The following GDAP1 variants were observed in gnomAD, a reference collection of about 807,000 sequenced individuals.
GDAP1 encodes ganglioside induced differentiation associated protein 1, also known as ganglioside-induced differentiation-associated protein 1.
A neutral mutation model predicts 40.1 loss-of-function variants in GDAP1; 34 were observed. That is an observed-to-expected ratio of 0.85 (90% CI 0.64 to 1.13). The LOEUF is 1.13. Ranked by LOEUF, GDAP1 falls within the 50% of genes most tolerant of loss-of-function variation. GDAP1 has a pLI of 0.00. For missense variants in GDAP1, 374 were observed against 433.7 expected, an observed-to-expected ratio of 0.86 and a Z score of 1.22; for synonymous variants, 170 against 157.4, an observed-to-expected ratio of 1.08 and a Z score of -0.60.
chr8:74,477,011 G>T lies in GDAP1; in HGVS notation c.166-11667G>T, dbSNP rs79659546. 2.8e-3 allele frequency among the ~76,000 whole-genome samples: 431 copies of T among 152,144 alleles called. 3 individuals carry two copies. Among genetic ancestry groups the T allele is most frequent in the Non-Finnish European group, 4.8e-3 (329 of 67,988 alleles). ...CATTCTGTTCTCTTTATTTTTGTCTGACTGCCTTATTTCAGAAAGCCGGTG... is the reference window on the plus strand; with the variant it reads ...CATTCTGTTCTCTTTATTTTTGTCTTACTGCCTTATTTCAGAAAGCCGGTG... On this transcript the variant is annotated intron_variant, in intron 2 of 2. Transcript: ENST00000523640.
At chr8:74,467,392 G>A (rs1586843795) in intron 2 of GDAP1, among the ~76,000 whole-genome samples, 3 of 152,288 alleles carry the variant, frequency 2.0e-5, no homozygotes, top group Admixed American at 2.0e-4. Flanking sequence ...CAGATAAGCA[G>A]CTAGATTTAA....
chr8:74,388,340 A>G (rs1292059594), intron 2 of GDAP1, among the ~76,000 whole-genome samples: 4 of 151,674 alleles, frequency 2.6e-5, no homozygotes, highest in Non-Finnish European at 4.4e-5. Flanking sequence ...CCTTCTAAAC[A>G]CTGCTTTAGC....
intron 2 of GDAP1, among the ~76,000 whole-genome samples, chr8:74,419,286 C>CA (rs1805826125): frequency 2.6e-5 from 4 of 152,236 alleles, no homozygotes; most frequent in Admixed American, 2.6e-4. Flanking sequence ...AAATGTCTTC[C>CA]AACAAGTGAA....
At chr8:74,385,961 T>C (rs758243992) in intron 2 of GDAP1, among the ~76,000 whole-genome samples, 4 of 152,216 alleles carry the variant, frequency 2.6e-5, no homozygotes, top group Non-Finnish European at 5.9e-5. Context: ...TTTTTTCATA[T>C]GTTTATTGGC....
rs1455556067 is a variant in GDAP1 at position 74,409,256 on chromosome 8, C to T, written c.165+57935C>T. Among the ~76,000 whole-genome samples the T allele has an allele frequency of 1.3e-5, 2 of 149,886 alleles. 1 individual carries two copies. Among genetic ancestry groups the T allele is most frequent in the African/African-American group, 5.1e-5 (2 of 39,268 alleles). On this transcript the variant is annotated intron_variant, in intron 2 of 2. Transcript: ENST00000523640. ...ACAGTATTGAAACTGACCCAATTGT[C>T]CCATAAAGCTGATGTTTATGGTTTC...
intron 2 of GDAP1, among the ~76,000 whole-genome samples, chr8:74,458,208 G>A (rs2131578868): frequency 1.3e-5 from 2 of 151,942 alleles, no homozygotes; most frequent in Admixed American, 6.5e-5. Context: ...CTATACTTTA[G>A]CAGTTTAATC....
intron 2 of GDAP1, among the ~76,000 whole-genome samples, chr8:74,377,623 A>G (rs939016618): frequency 7.2e-5 from 11 of 152,228 alleles, no homozygotes; most frequent in Admixed American, 7.2e-4. Context: ...GGCTGACAAT[A>G]CTATTTGTTG....
At chr8:74,362,868 G>T in intron 4 of GDAP1, 71 bp from the exon 5 acceptor site, 2 of 589,950 alleles carry the variant, frequency 3.4e-6, no homozygotes, top group East Asian at 4.3e-5. Context: ...GTTTGTATCT[G>T]CTTTACCTAG....
Position 74,475,535 on chromosome 8 carries a change from T to C in GDAP1, c.166-13143T>C, listed in dbSNP as rs954639718. On this transcript the variant is annotated intron_variant, in intron 2 of 2. Coordinates refer to the GDAP1 transcript ENST00000523640. ...TTCTTGATTCCTGCCTTAATCTCAT[T>C]ATTTATCTAAAAGTCTTTTAGGAAC... Among the ~76,000 whole-genome samples the C allele has an allele frequency of 1.8e-4, 28 of 152,218 alleles. 1 individual carries two copies. Among genetic ancestry groups the C allele is most frequent in the Admixed American group, 1.6e-3 (24 of 15,278 alleles).
Position 74,446,777 on chromosome 8 carries a change from G to A in GDAP1, c.166-41901G>A, listed in dbSNP as rs79498165. ...TGTTACAACAAGATGAAATTTGAGG[G>A]CATTATGCTAAGTGAAAGAAGTCAG... On this transcript the variant is annotated intron_variant, in intron 2 of 2. Coordinates refer to the GDAP1 transcript ENST00000523640. 9.1e-4 allele frequency among the ~76,000 whole-genome samples: 138 copies of A among 152,214 alleles called. 2 individuals are homozygous for A. The highest frequency in any genetic ancestry group is 3.1e-3 in the African/African-American group (129 of 41,530).
At chr8:74,418,828 G>A (rs2131557766) in intron 2 of GDAP1, among the ~76,000 whole-genome samples, 1 of 150,276 alleles carries the variant, frequency 6.7e-6, no homozygotes, top group East Asian at 2.0e-4. Flanking sequence ...ACTATCAAAT[G>A]CAACAATTAT....
chr8:74,479,636 G>A (rs1460297381), intron 2 of GDAP1, among the ~76,000 whole-genome samples: 1 of 152,160 alleles, frequency 6.6e-6, no homozygotes, highest in Admixed American at 6.5e-5. Flanking sequence ...GGGTCAGTTG[G>A]CCAATTCTTT....
intron 2 of GDAP1, among the ~76,000 whole-genome samples, chr8:74,377,217 C>G (rs1809870635): frequency 1.4e-5 from 1 of 71,728 alleles, no homozygotes; most frequent in African/African-American, 5.7e-5. Context: ...AAAGTTATAA[C>G]TGCCTGTTTT....
At chr8:74,430,945 C>T (rs899838686) in intron 2 of GDAP1, among the ~76,000 whole-genome samples, 2 of 149,638 alleles carry the variant, frequency 1.3e-5, no homozygotes, top group East Asian at 2.0e-4. Flanking sequence ...ATTTGACTCT[C>T]CATCCCTAGT....
At position 74,422,493 on chromosome 8, in the gene GDAP1, CTCCTTCCTTCCTTCCTTCCTTCCT is replaced by C. The variant is rs67444628; in HGVS notation, c.166-66166_166-66143del. ...TCCTTCCTCCCTCCCTCCCTCCTTTCTCCTTCCTTCCTTCCTTCCTTCCTTCCTTCCTTCCTTCCTTCTTTCTTT... is the reference window on the plus strand; with the variant it reads ...TCCTTCCTCCCTCCCTCCCTCCTTTCTCCTTCCTTCCTTCCTTCTTTCTTT... On this transcript the variant is annotated intron_variant, in intron 2 of 2. Coordinates refer to the GDAP1 transcript ENST00000523640. Among the ~76,000 whole-genome samples the C allele has an allele frequency of 5.7e-5, 6 of 104,744 alleles. No homozygotes were observed. In the East Asian group the frequency reaches 1.1e-3, roughly 19 times the overall value. 68.7% of individuals were successfully genotyped at this position (104,744 alleles called of 152,430 possible). A position where few individuals can be genotyped will look rare whatever the true frequency, so the allele number is the denominator to read the frequency against.
At chr8:74,368,423 C>T (rs544126873), downstream of GDAP1, among the ~76,000 whole-genome samples, 5 of 152,180 alleles carry the variant, frequency 3.3e-5, no homozygotes, top group African/African-American at 1.2e-4. Flanking sequence ...AAGTTCAGTG[C>T]TCAAAAGAAA....
downstream of GDAP1, among the ~76,000 whole-genome samples, chr8:74,368,885 A>T (rs1423959849): frequency 6.6e-6 from 1 of 152,184 alleles, no homozygotes; most frequent in East Asian, 1.9e-4. Context: ...CCCCACCCCA[A>T]TTGTGACAAA....
chr8:74,444,206 ACACGCGCG>A (rs1270300772), intron 2 of GDAP1, among the ~76,000 whole-genome samples: 531 of 1,908 alleles, frequency 0.28, 15 homozygotes, highest in South Asian at 0.38. Flanking sequence ...ACACACACAC[ACACGCGCG>A]CACACACACA....
At chr8:74,484,391 C>T (rs1045509153) in intron 2 of GDAP1, among the ~76,000 whole-genome samples, 3 of 152,144 alleles carry the variant, frequency 2.0e-5, no homozygotes, top group African/African-American at 7.2e-5. Context: ...TTATAGCAGA[C>T]ATTGCATTTG....
Sources: gnomAD v4.1 joint callset for allele counts (sites outside exome capture counted in the v4.1 genomes callset) on GRCh38, gnomAD v4.1.1 for gene constraint, MANE v1.5 for transcripts, NCBI Gene and HGNC (gene_info 2026-07-23, HGNC 2026-07-21) for gene names.